RMST: variants seen among roughly 807,000 people sequenced by gnomAD.
RMST encodes rhabdomyosarcoma 2 associated transcript, also known as long intergenic non-protein coding RNA 54.
At chr12:97,496,512 G>C (rs537970329) in intron 10 of RMST, among the ~76,000 whole-genome samples, 1 of 152,036 alleles carries the variant, frequency 6.6e-6, no homozygotes, top group South Asian at 2.1e-4. Flanking sequence ...ATTGAGAATG[G>C]GTTTCACAGT....
At chr12:97,490,138 G>A (rs1008743369) in intron 5 of RMST, among the ~76,000 whole-genome samples, 1 of 152,200 alleles carries the variant, frequency 6.6e-6, no homozygotes, top group African/African-American at 2.4e-5. Flanking sequence ...TTAGAAGAAT[G>A]AGTGAGAAAT....
intron 11 of RMST, among the ~76,000 whole-genome samples, chr12:97,542,695 G>T (rs962781132): frequency 6.6e-6 from 1 of 151,850 alleles, no homozygotes; most frequent in African/African-American, 2.4e-5. Context: ...TGAACTACAC[G>T]GCCCTAATTG....
intron 10 of RMST, among the ~76,000 whole-genome samples, chr12:97,499,482 T>G (rs2136473079): frequency 6.6e-6 from 1 of 152,334 alleles, no homozygotes; most frequent in Middle Eastern, 3.4e-3. Flanking sequence ...AATGTATGCT[T>G]AGAAAACCAT....
At chr12:97,545,615 G>A (rs537216911) in intron 11 of RMST, among the ~76,000 whole-genome samples, 10 of 152,090 alleles carry the variant, frequency 6.6e-5, no homozygotes, top group Admixed American at 5.2e-4. Flanking sequence ...TCAGTTTTTG[G>A]CTTCCAGTTA....
chr12:97,556,985 T>C (rs531492055), intron 11 of RMST, among the ~76,000 whole-genome samples: 1 of 152,332 alleles, frequency 6.6e-6, no homozygotes, highest in Non-Finnish European at 1.5e-5. Context: ...ATCTTCATAA[T>C]ATGGCTTGTC....
intron 5 of RMST, among the ~76,000 whole-genome samples, chr12:97,469,125 A>G (rs550204715): frequency 1.3e-4 from 20 of 150,436 alleles, no homozygotes; most frequent in Non-Finnish European, 2.5e-4. Flanking sequence ...AGATTTATAC[A>G]ATCTGAAGAG....
chr12:97,521,157 A>G (rs981912094), intron 10 of RMST, among the ~76,000 whole-genome samples: 1 of 152,208 alleles, frequency 6.6e-6, no homozygotes, highest in African/African-American at 2.4e-5. Context: ...ATCTGCTTTT[A>G]TATGAGTGAC....
At chr12:97,509,988 A>C (rs1280494562) in intron 10 of RMST, among the ~76,000 whole-genome samples, 1 of 152,162 alleles carries the variant, frequency 6.6e-6, no homozygotes, top group Non-Finnish European at 1.5e-5. Flanking sequence ...CTCAAATCTC[A>C]ATGGTCTAGC....
rs1883379746 is a variant in RMST at position 97,552,564 on chromosome 12, G to A, written n.1546-7973G>A. Among the ~76,000 whole-genome samples, 3 of 152,046 alleles carry A rather than the reference G, an allele frequency of 2.0e-5. No individual in the cohort carries two copies. In the East Asian group the frequency reaches 5.8e-4, roughly 29 times the overall value. On this transcript the variant is annotated intron_variant and non_coding_transcript_variant, in intron 11 of 13. Transcript: ENST00000640149. The stretch of plus-strand genomic sequence containing the variant: ...TTCACCCTCTACTGTGTCATTCCCT[G>A]CCCTGCTCTGTTCTTAAGCAAGGAG...
chr12:97,467,526 C>A (rs1231266369), intron 5 of RMST, among the ~76,000 whole-genome samples: 1 of 151,904 alleles, frequency 6.6e-6, no homozygotes, highest in African/African-American at 2.4e-5. Flanking sequence ...AATTAACACA[C>A]CATTAGTGTA....
At chr12:97,537,517 G>C (rs1014856931) in intron 11 of RMST, among the ~76,000 whole-genome samples, 2 of 151,138 alleles carry the variant, frequency 1.3e-5, no homozygotes, top group South Asian at 4.2e-4. Context: ...GAAGAATCTC[G>C]CTTTTTTGCA....
At chr12:97,478,407 A>T (rs1404685261) in intron 5 of RMST, among the ~76,000 whole-genome samples, 1 of 152,230 alleles carries the variant, frequency 6.6e-6, no homozygotes, top group African/African-American at 2.4e-5. Context: ...ATGAAGTGGA[A>T]GCATCTCATT....
intron 10 of RMST, among the ~76,000 whole-genome samples, chr12:97,526,691 A>G (rs1327844847): frequency 6.6e-6 from 1 of 152,208 alleles, no homozygotes; most frequent in Non-Finnish European, 1.5e-5. Context: ...TTAAAAATCT[A>G]GAGGAAGCTA....
chr12:97,543,418 T>C (rs977459710), intron 11 of RMST, among the ~76,000 whole-genome samples: 1 of 152,016 alleles, frequency 6.6e-6, no homozygotes, highest in African/African-American at 2.4e-5. Context: ...GTAAATGCTA[T>C]AAGGACTGGC....
chr12:97,463,407 C>G (rs986902042), intron 4 of RMST: 1 of 152,332 alleles, frequency 6.6e-6, no homozygotes, highest in African/African-American at 2.4e-5. Context: ...TGTGCTGTCA[C>G]TTGCCTGCAA....
intron 5 of RMST, among the ~76,000 whole-genome samples, chr12:97,468,815 C>T (rs561542753): frequency 3.3e-5 from 5 of 152,020 alleles, no homozygotes; most frequent in African/African-American, 1.2e-4. Context: ...TAAAAATCTC[C>T]TCCCATATGG....
At chr12:97,493,806 G>GT (rs1406125772) in intron 7 of RMST, 1 of 152,064 alleles carries the variant, frequency 6.6e-6, no homozygotes, top group East Asian at 1.9e-4. Context: ...ATATTTTACA[G>GT]TTTTTTCTAG....
intron 10 of RMST, among the ~76,000 whole-genome samples, chr12:97,528,299 A>G (rs1195227458): frequency 6.6e-6 from 1 of 152,168 alleles, no homozygotes; most frequent in Non-Finnish European, 1.5e-5. Flanking sequence ...AGTCATAAAA[A>G]GTTGGTTTTA....
At chr12:97,543,598 G>A (rs1485073206) in intron 11 of RMST, among the ~76,000 whole-genome samples, 2 of 151,880 alleles carry the variant, frequency 1.3e-5, no homozygotes, top group African/African-American at 4.8e-5. Flanking sequence ...TAAATGATGT[G>A]CGTATGACTA....
Sources: gnomAD v4.1 joint callset for allele counts (sites outside exome capture counted in the v4.1 genomes callset) on GRCh38, gnomAD v4.1.1 for gene constraint, MANE v1.5 for transcripts, NCBI Gene and HGNC (gene_info 2026-07-23, HGNC 2026-07-21) for gene names.